Variants in PHEX observed in about 807,000 individuals in gnomAD.
PHEX encodes phosphate-regulating neutral endopeptidase PHEX.
In PHEX, 16 loss-of-function variants were observed where a neutral mutation model predicts 68.0. The observed-to-expected ratio is 0.24, with a 90% CI of 0.16 to 0.36. The LOEUF (loss-of-function observed/expected upper bound fraction) is 0.36, where lower values mean the gene tolerates loss of function less well. PHEX is among the 10% of genes least tolerant of loss of function. The pLI is 1.00. For synonymous variants in PHEX, 208 were observed against 205.1 expected (o/e 1.01, Z -0.12); for missense variants, 480 against 575.5 (o/e 0.83, Z 1.70).
At chrX:22,199,575 A>T (rs978540941) in intron 15 of PHEX, among the ~76,000 whole-genome samples, 16 of 111,522 alleles carry the variant, frequency 1.4e-4, no homozygotes, top group African/African-American at 5.2e-4. Flanking sequence ...TGTCCAGTGT[A>T]TCCATGTTGT....
chrX:22,242,911 C>T (rs1019957795), intron 20 of PHEX, among the ~76,000 whole-genome samples: 1 of 111,850 alleles, frequency 8.9e-6, no homozygotes, highest in Non-Finnish European at 1.9e-5. Flanking sequence ...ACTTTCTTCA[C>T]AGAATTGGAA....
rs1934974621 is a variant in PHEX at position 22,212,885 on chromosome X, C to T, written c.1646-19C>T. 4 of 1,168,938 alleles carry T rather than the reference C, an allele frequency of 3.4e-6. No individual in the cohort carries two copies. Among genetic ancestry groups the T allele is most frequent in the Non-Finnish European group, 3.5e-6 (3 of 856,572 alleles). The stretch of plus-strand genomic sequence containing the variant: ...GAATCAATCTCTCTATATCTCTTAA[C>T]ATTTTTTCCTTCTCATAGGATTTCC... On this transcript the variant is annotated intron_variant, in intron 15 of 21. Transcript: ENST00000379374.
intron 20 of PHEX, among the ~76,000 whole-genome samples, chrX:22,230,701 T>A (rs1332004075): frequency 9.0e-6 from 1 of 111,608 alleles, no homozygotes; most frequent in South Asian, 3.8e-4. Flanking sequence ...GTTTTCTTAA[T>A]ATACAATCAT....
intron 20 of PHEX, among the ~76,000 whole-genome samples, chrX:22,235,863 C>T (rs1360314649): frequency 1.8e-5 from 2 of 110,834 alleles, no homozygotes. Flanking sequence ...TTATACATAC[C>T]ATTGGAATAC....
chrX:22,133,472 C>G (rs1476463353), intron 11 of PHEX, 51 bp from the exon 12 acceptor site: 1 of 1,019,859 alleles, frequency 9.8e-7, no homozygotes, highest in South Asian at 1.9e-5. Flanking sequence ...CAGAAAACCT[C>G]GACTGAAGCT....
At chrX:22,153,135 G>A (rs1932884699) in intron 12 of PHEX, among the ~76,000 whole-genome samples, 1 of 110,661 alleles carries the variant, frequency 9.0e-6, no homozygotes, top group South Asian at 3.9e-4. Flanking sequence ...GGGACTATAG[G>A]CATGCACCAC....
intron 1 of PHEX, among the ~76,000 whole-genome samples, chrX:22,038,163 TC>T (rs759742294): frequency 6.0e-4 from 66 of 110,516 alleles, no homozygotes; most frequent in Non-Finnish European, 1.1e-3. Flanking sequence ...CTAACAAGCT[TC>T]CAGGTGCAGC....
intron 15 of PHEX, among the ~76,000 whole-genome samples, chrX:22,207,646 A>G (rs565955095): frequency 8.1e-5 from 9 of 111,380 alleles, no homozygotes; most frequent in East Asian, 2.8e-4. Context: ...TTTTTTATAC[A>G]TACTGTTGTC....
At chrX:22,128,464 A>G (rs1422699770) in intron 11 of PHEX, among the ~76,000 whole-genome samples, 2 of 110,735 alleles carry the variant, frequency 1.8e-5, no homozygotes, top group African/African-American at 6.6e-5. Context: ...CAAGCTGCTT[A>G]GAGAGAAGTA....
In PHEX at chrX:22,113,779, G is replaced by A. The variant is rs73636805; in HGVS notation, c.1174-679G>A. ...TTCTTAGTGGAACTTTAGTTCTCAGGAGATATTAAATATTATCTAGACACT... is the reference window on the plus strand; with the variant it reads ...TTCTTAGTGGAACTTTAGTTCTCAGAAGATATTAAATATTATCTAGACACT... On this transcript the variant is annotated intron_variant, in intron 10 of 21. Coordinates refer to ENST00000379374, the MANE Select transcript of PHEX (RefSeq NM_000444.6). Among the ~76,000 whole-genome samples, 673 of 110,061 alleles carry A rather than the reference G, an allele frequency of 6.1e-3. 4 individuals carry two copies. The highest frequency in any genetic ancestry group is 0.021 in the African/African-American group (630 of 30,207).
chrX:22,049,799 A>T (rs1927727707), intron 3 of PHEX, among the ~76,000 whole-genome samples: 1 of 110,594 alleles, frequency 9.0e-6, no homozygotes, highest in African/African-American at 3.3e-5. Flanking sequence ...GGAGGGAGAG[A>T]TTGCAGTGAG....
chrX:22,163,150 G>A (rs1933194713), intron 12 of PHEX: 1 of 111,896 alleles, frequency 8.9e-6, no homozygotes, highest in African/African-American at 3.2e-5. Context: ...CCAAAGTGTT[G>A]AGAAACCCTG....
intron 5 of PHEX, among the ~76,000 whole-genome samples, chrX:22,085,500 G>T (rs766553069): frequency 3.1e-4 from 34 of 108,411 alleles, no homozygotes; most frequent in Middle Eastern, 4.7e-3. Context: ...GCTTGAACCT[G>T]GGAGGTGGAG....
chrX:22,106,880 G>T (rs73462627), intron 9 of PHEX, among the ~76,000 whole-genome samples: 16 of 110,467 alleles, frequency 1.4e-4, no homozygotes, highest in South Asian at 7.7e-4. Context: ...GGTCTGGTCC[G>T]GCCTCCATTG....
intron 3 of PHEX, among the ~76,000 whole-genome samples, chrX:22,048,222 T>C (rs926385748): frequency 8.9e-6 from 1 of 111,792 alleles, no homozygotes; most frequent in African/African-American, 3.3e-5. Flanking sequence ...CATGGACTTA[T>C]ATTTTCTATT....
intron 12 of PHEX, among the ~76,000 whole-genome samples, chrX:22,151,799 T>C (rs910361357): frequency 2.7e-5 from 3 of 111,809 alleles, no homozygotes; most frequent in African/African-American, 9.7e-5. Flanking sequence ...TGATCTTCTC[T>C]CTTGGCCAAG....
At chrX:22,103,771 T>C (rs1930537273) in intron 9 of PHEX, among the ~76,000 whole-genome samples, 1 of 111,985 alleles carries the variant, frequency 8.9e-6, no homozygotes, top group African/African-American at 3.3e-5. Context: ...TAAACATGCA[T>C]GAGCTAGTAT....
rs1222771440 is a variant in PHEX, at chrX:22,249,453, A to AT, written c.*1500_*1501insT. On this transcript the variant is annotated 3_prime_UTR_variant, in exon 22 of 22. Coordinates refer to ENST00000379374, the MANE Select transcript of PHEX (RefSeq NM_000444.6). ...ATTTGTGATTCTTTTAAAAAAAAAA[A>AT]AAATATATATATATATATATATATA... The AT allele has an allele frequency of 2.1e-3, 59 of 28,019 alleles. No homozygotes were observed. Among genetic ancestry groups the AT allele is most frequent in the South Asian group, 3.0e-3 (2 of 677 alleles). 2.3% of individuals were successfully genotyped at this position (28,019 alleles called of 1,213,427 possible).
chrX:22,215,950 A>G (rs1935072455), intron 16 of PHEX, among the ~76,000 whole-genome samples: 1 of 111,835 alleles, frequency 8.9e-6, no homozygotes, highest in African/African-American at 3.2e-5. Flanking sequence ...AGATTCAGCA[A>G]GTGTTCAGTT....
Sources: gnomAD v4.1 joint callset for allele counts (sites outside exome capture counted in the v4.1 genomes callset) on GRCh38, gnomAD v4.1.1 for gene constraint, MANE v1.5 for transcripts, NCBI Gene and HGNC (gene_info 2026-07-23, HGNC 2026-07-21) for gene names.